The following CNTNAP5 variants were observed in gnomAD, a reference collection of about 807,000 sequenced individuals.
CNTNAP5 encodes contactin associated protein family member 5.
Under a neutral mutation model 150.2 loss-of-function variants are expected in CNTNAP5, and 72 were observed. That is an observed-to-expected ratio of 0.48 (90% CI 0.40 to 0.58). The LOEUF (loss-of-function observed/expected upper bound fraction) is 0.58, where lower values mean the gene tolerates loss of function less well. Among genes scored for constraint, CNTNAP5 ranks in the 20% least tolerant of loss-of-function variants. The probability of loss-of-function intolerance (pLI) is 0.00; values close to 1 mark genes in which losing one functional copy is unlikely to be tolerated. For synonymous variants in CNTNAP5, 672 were observed against 619.8 expected, an observed-to-expected ratio of 1.08 and a Z score of -1.25; for missense variants, 1,636 against 1,626.2, an observed-to-expected ratio of 1.01 and a Z score of -0.10.
chr2:124,614,970 A>C (rs917595987), intron 12 of CNTNAP5, among the ~76,000 whole-genome samples: 10 of 73,406 alleles, frequency 1.4e-4, no homozygotes, highest in Admixed American at 1.3e-3. Context: ...TTAATTGTGC[A>C]ATAGCATTAT....
intron 22 of CNTNAP5, among the ~76,000 whole-genome samples, chr2:124,907,730 G>C (rs1265546762): frequency 6.6e-6 from 1 of 151,182 alleles, no homozygotes; most frequent in South Asian, 2.1e-4. Flanking sequence ...ACTGTGAAGA[G>C]AGAAGTACTA....
At chr2:124,463,800 G>C (rs112961659) in intron 6 of CNTNAP5, among the ~76,000 whole-genome samples, 7 of 152,186 alleles carry the variant, frequency 4.6e-5, no homozygotes, top group Non-Finnish European at 4.4e-5. Context: ...GTGGAACCAG[G>C]TGTAGAAGAA....
chr2:124,767,304 C>T (rs1000845676), intron 16 of CNTNAP5, among the ~76,000 whole-genome samples: 1 of 152,164 alleles, frequency 6.6e-6, no homozygotes, highest in Admixed American at 6.6e-5. Context: ...CCATTTCCTT[C>T]CAGCCTGCTT....
intron 1 of CNTNAP5, among the ~76,000 whole-genome samples, chr2:124,033,427 G>T (rs959777344): frequency 1.1e-4 from 16 of 152,152 alleles, no homozygotes; most frequent in Admixed American, 8.5e-4. Context: ...GGGTTCAGTT[G>T]TATCTCTGTT....
chr2:124,729,327 CA>C (rs1462050951), intron 13 of CNTNAP5, among the ~76,000 whole-genome samples: 1 of 151,342 alleles, frequency 6.6e-6, no homozygotes, highest in Non-Finnish European at 1.5e-5. Flanking sequence ...CTAATTTTTG[CA>C]AAAAAGTAGT....
chr2:124,093,046 G>T (rs75192655), intron 1 of CNTNAP5, among the ~76,000 whole-genome samples: 12,915 of 152,222 alleles, frequency 0.085, 734 homozygotes, highest in Non-Finnish European at 0.13. Context: ...CACATATTTT[G>T]TGATTTTAAG....
intron 12 of CNTNAP5, among the ~76,000 whole-genome samples, chr2:124,640,198 CT>C (rs1372227827): frequency 6.6e-6 from 1 of 152,142 alleles, no homozygotes; most frequent in Admixed American, 6.5e-5. Flanking sequence ...CCACTACCCC[CT>C]AAGACCATAA....
chr2:124,509,316 G>A lies in CNTNAP5; in HGVS notation c.1327+4760G>A, dbSNP rs1694498587. Among the ~76,000 whole-genome samples the A allele has an allele frequency of 4.6e-5, 7 of 152,308 alleles. No individual in the cohort carries two copies. The South Asian group carries it at 1.4e-3, about 32-fold the overall frequency. On this transcript the variant is annotated intron_variant, in intron 8 of 23. Coordinates refer to ENST00000682447, the MANE Select transcript of CNTNAP5 (RefSeq NM_001367498.1). ...TCTAGGGATGAAGTTTCAGGAAGAT[G>A]AAGGACAACAGTGGAATCTCTTTCT...
At chr2:124,408,231 C>T (rs1222916520) in intron 3 of CNTNAP5, among the ~76,000 whole-genome samples, 1 of 151,466 alleles carries the variant, frequency 6.6e-6, no homozygotes, top group East Asian at 1.9e-4. Flanking sequence ...TCGGAGGGTC[C>T]TACGCCCACG....
chr2:124,747,179 G>A (rs1215139245), intron 13 of CNTNAP5, 50 bp from the exon 14 acceptor site: 3 of 1,575,202 alleles, frequency 1.9e-6, no homozygotes, highest in African/African-American at 2.7e-5. Flanking sequence ...CATCCCCTGT[G>A]TTACTTCAGG....
At chr2:124,745,040 G>T (rs1680576163) in intron 13 of CNTNAP5, among the ~76,000 whole-genome samples, 1 of 152,144 alleles carries the variant, frequency 6.6e-6, no homozygotes, top group South Asian at 2.1e-4. Flanking sequence ...GACATTAGGA[G>T]GGAGGCACTA....
chr2:124,169,587 G>C (rs1015507362), intron 1 of CNTNAP5, among the ~76,000 whole-genome samples: 1 of 152,134 alleles, frequency 6.6e-6, no homozygotes, highest in Non-Finnish European at 1.5e-5. Flanking sequence ...TAATGCAATG[G>C]TGCACTTCCA....
intron 3 of CNTNAP5, among the ~76,000 whole-genome samples, chr2:124,385,710 C>T (rs551803182): frequency 6.6e-6 from 1 of 152,218 alleles, no homozygotes; most frequent in East Asian, 1.9e-4. Flanking sequence ...CTCTTAAGTG[C>T]TGCAATAAAT....
chr2:124,110,855 C>T (rs1037271495), intron 1 of CNTNAP5, among the ~76,000 whole-genome samples: 3 of 152,174 alleles, frequency 2.0e-5, no homozygotes, highest in African/African-American at 7.2e-5. Context: ...TCTATTACCT[C>T]ATTTGATCTG....
At chr2:124,317,206 T>C (rs1158823485) in intron 3 of CNTNAP5, among the ~76,000 whole-genome samples, 3 of 152,140 alleles carry the variant, frequency 2.0e-5, no homozygotes, top group Non-Finnish European at 4.4e-5. Context: ...TAAGTTCAGG[T>C]CAGATTTGAC....
intron 13 of CNTNAP5, among the ~76,000 whole-genome samples, chr2:124,689,600 C>T (rs144983499): frequency 1.2e-3 from 178 of 152,054 alleles, no homozygotes; most frequent in African/African-American, 4.1e-3. Flanking sequence ...TGTGTATATG[C>T]ATGTGTGCAT....
chr2:124,148,917 C>T lies in CNTNAP5; in HGVS notation c.83-72788C>T, dbSNP rs1050427078. 2.6e-5 allele frequency among the ~76,000 whole-genome samples: 4 copies of T among 151,654 alleles called. 1 individual carries two copies. Among genetic ancestry groups the T allele is most frequent in the African/African-American group, 7.3e-5 (3 of 41,228 alleles). The stretch of plus-strand genomic sequence containing the variant: ...GTATGTATATATACACATGTATACA[C>T]ACATATATGTATGTATATATACACA... On this transcript the variant is annotated intron_variant, in intron 1 of 23. Coordinates refer to ENST00000682447, the MANE Select transcript of CNTNAP5 (RefSeq NM_001367498.1).
Position 124,647,882 on chromosome 2 carries a change from C to T in CNTNAP5, c.2001C>T (p.Ala667=), listed in dbSNP as rs368582483. The T allele has an allele frequency of 2.4e-5, 38 of 1,612,452 alleles. No homozygotes were observed. Among genetic ancestry groups the T allele is most frequent in the Admixed American group, 5.0e-5 (3 of 59,850 alleles). ...DYGGSMEQLE[A]VIDGSEHCEQ... is the part of the protein sequence containing the mutation. ...GGGGCAGCATGGAACAGCTGGAGGC[C>T]GTGATCGACGGCTCTGAGCACTGTG... The change falls in exon 13 of 24, where the codon GCC becomes GCT. Residue 667 remains alanine (A), a synonymous_variant. Transcript: ENST00000682447.
chr2:124,740,067 TATATA>T (rs931557478), intron 13 of CNTNAP5, among the ~76,000 whole-genome samples: 2 of 150,188 alleles, frequency 1.3e-5, no homozygotes, highest in African/African-American at 4.9e-5. Context: ...TACATTTAAT[TATATA>T]ATTTTATGAA....
Sources: gnomAD v4.1 joint callset for allele counts (sites outside exome capture counted in the v4.1 genomes callset) on GRCh38, gnomAD v4.1.1 for gene constraint, MANE v1.5 for transcripts, NCBI Gene and HGNC (gene_info 2026-07-23, HGNC 2026-07-21) for gene names.